SNX25: variants seen among roughly 807,000 people sequenced by gnomAD.
SNX25 encodes the protein sorting nexin-25.
In SNX25, 62 loss-of-function variants were observed where a neutral mutation model predicts 113.7. That is an observed-to-expected ratio of 0.55 (90% CI 0.44 to 0.67). The LOEUF is 0.67. Among genes scored for constraint, SNX25 ranks in the 30% least tolerant of loss-of-function variants. SNX25 has a pLI of 0.00. For missense variants in SNX25, 1,014 were observed against 1,161.0 expected, an observed-to-expected ratio of 0.87 and a Z score of 1.84; for synonymous variants, 421 against 436.2, an observed-to-expected ratio of 0.97 and a Z score of 0.43.
intron 9 of SNX25, among the ~76,000 whole-genome samples, chr4:185,331,139 T>A (rs2095191900): frequency 6.6e-6 from 1 of 152,214 alleles, no homozygotes; most frequent in African/African-American, 2.4e-5. Flanking sequence ...TTTGTTCCAA[T>A]AATCTCTAGA....
At chr4:185,301,395 C>T (rs967229782) in intron 6 of SNX25, among the ~76,000 whole-genome samples, 3 of 151,772 alleles carry the variant, frequency 2.0e-5, no homozygotes, top group Non-Finnish European at 2.9e-5. Flanking sequence ...TTTTTATTAC[C>T]TTTGTTTTGT....
intron 13 of SNX25, among the ~76,000 whole-genome samples, chr4:185,350,946 A>G (rs914469366): frequency 6.6e-6 from 1 of 152,234 alleles, no homozygotes; most frequent in African/African-American, 2.4e-5. Context: ...AAATGAAACT[A>G]TTGCCTGGCA....
At chr4:185,220,484 CT>C (rs33968295) in intron 1 of SNX25, among the ~76,000 whole-genome samples, 82 of 131,824 alleles carry the variant, frequency 6.2e-4, no homozygotes, top group South Asian at 4.9e-4. Context: ...AACTGAGTCC[CT>C]TTTTTTTTTT....
rs1048534398 is a variant in SNX25, at chr4:185,360,950, T to TATATATATATAGATAGATAG, written c.2652-971_2652-970insTATATATAGATAGATAGATA. The stretch of plus-strand genomic sequence containing the variant: ...AAAATAATATATATATATATATATA[T>TATATATATATAGATAGATAG]ATAGAATCTGTCTAATGACTAACGA... On this transcript the variant is annotated intron_variant, in intron 16 of 18. Transcript: ENST00000652585. Among the ~76,000 whole-genome samples, 295 of 141,738 alleles carry TATATATATATAGATAGATAG rather than the reference T, an allele frequency of 2.1e-3. 1 individual carries two copies. The highest frequency in any genetic ancestry group is 6.4e-3 in the South Asian group (29 of 4,514). The allele number at this position is 141,738 out of a possible 152,430, so 93.0% of individuals were successfully genotyped here.
chr4:185,356,415 TATC>T (rs2095339438), intron 15 of SNX25, among the ~76,000 whole-genome samples: 2 of 152,290 alleles, frequency 1.3e-5, no homozygotes, highest in South Asian at 4.1e-4. Context: ...AAAGTGAAGT[TATC>T]ATCACTGATA....
intron 1 of SNX25, among the ~76,000 whole-genome samples, chr4:185,223,909 T>C (rs1178882008): frequency 6.6e-6 from 1 of 152,236 alleles, no homozygotes. Context: ...TATTGTCTCT[T>C]GTCCCTCCTG....
At chr4:185,362,149 G>A (rs1279795374) in intron 17 of SNX25, 44 bp downstream of exon 17, 2 of 1,546,082 alleles carry the variant, frequency 1.3e-6, no homozygotes, top group African/African-American at 1.4e-5. Context: ...AGATCTGAGG[G>A]AATGTGAACC....
chr4:185,230,774 A>G (rs1741723864), intron 1 of SNX25, among the ~76,000 whole-genome samples: 3 of 152,190 alleles, frequency 2.0e-5, no homozygotes. Flanking sequence ...CACAGAAATA[A>G]TTTAGGAAAT....
chr4:185,365,870 TTTC>T (rs1416904288), downstream of SNX25: 1 of 151,992 alleles, frequency 6.6e-6, no homozygotes, highest in African/African-American at 2.4e-5. Flanking sequence ...TCTGTTGAAA[TTTC>T]TTCCCTTACA....
intron 1 of SNX25, among the ~76,000 whole-genome samples, chr4:185,228,971 C>G (rs909603817): frequency 6.6e-6 from 1 of 152,154 alleles, no homozygotes; most frequent in Non-Finnish European, 1.5e-5. Context: ...ACAGGAGAGC[C>G]AGCCCTCTTG....
chr4:185,288,105 C>T (rs770395941), intron 6 of SNX25, 23 bp downstream of exon 6: 18 of 1,601,380 alleles, frequency 1.1e-5, no homozygotes, highest in Middle Eastern at 3.3e-4. Context: ...TTGTTTTCTT[C>T]AGTTCCACAT....
At chr4:185,303,542 C>CCAG (rs1425901179) in intron 6 of SNX25, among the ~76,000 whole-genome samples, 6 of 151,864 alleles carry the variant, frequency 4.0e-5, no homozygotes, top group African/African-American at 1.5e-4. Flanking sequence ...ACCTGTAGTC[C>CCAG]CAGCTACTTG....
intron 5 of SNX25, among the ~76,000 whole-genome samples, chr4:185,282,002 C>T (rs1332720018): frequency 3.9e-5 from 6 of 151,924 alleles, no homozygotes; most frequent in Admixed American, 1.3e-4. Flanking sequence ...GGCAACAGAG[C>T]GAGACTCCAT....
intron 12 of SNX25, among the ~76,000 whole-genome samples, chr4:185,343,142 C>T (rs1050296181): frequency 5.3e-5 from 8 of 152,176 alleles, no homozygotes; most frequent in Non-Finnish European, 1.0e-4. Flanking sequence ...CCACCCACCT[C>T]GGCCTTACAA....
At chr4:185,375,744 A>G in the SNX25 span, 2 of 1,499,462 alleles carry the variant, frequency 1.3e-6, no homozygotes, top group Non-Finnish European at 1.8e-6. Context: ...CACCCAGAAG[A>G]TATTTAATTA....
chr4:185,287,853 T>C (rs1217631391), intron 5 of SNX25, among the ~76,000 whole-genome samples, 159 bp from the exon 6 acceptor site: 2 of 152,214 alleles, frequency 1.3e-5, no homozygotes, highest in African/African-American at 2.4e-5. Flanking sequence ...CCCGGCCTAT[T>C]GTAGATGCTC....
At chr4:185,307,262 AC>A (rs1754590562) in intron 6 of SNX25, among the ~76,000 whole-genome samples, 1 of 152,166 alleles carries the variant, frequency 6.6e-6, no homozygotes, top group South Asian at 2.1e-4. Context: ...GGATGTGCAA[AC>A]CATTACTTAG....
In SNX25 at chr4:185,258,664, G is replaced by C. The variant is rs546852489; in HGVS notation, c.515-184G>C. On this transcript the variant is annotated intron_variant, in intron 2 of 18. Coordinates refer to ENST00000652585, the MANE Select transcript of SNX25 (RefSeq NM_001378034.2). ...TAGGACATGGTCACCATACCTAAAC[G>C]TTCTAGTTAGATGAGAATCTTTCGT... 2.0e-5 allele frequency among the ~76,000 whole-genome samples: 3 copies of C among 152,278 alleles called. No individual in the cohort carries two copies. In the South Asian group the frequency reaches 6.2e-4, roughly 32 times the overall value.
At chr4:185,337,436 G>T (rs2095237230) in intron 10 of SNX25, among the ~76,000 whole-genome samples, 1 of 152,086 alleles carries the variant, frequency 6.6e-6, no homozygotes, top group Non-Finnish European at 1.5e-5. Flanking sequence ...TGCTTTTTAA[G>T]GCTGATCATA....
Sources: allele counts gnomAD v4.1 joint callset (sites outside exome capture counted in the v4.1 genomes callset), GRCh38; gene constraint gnomAD v4.1.1; transcripts MANE v1.5; gene names NCBI Gene and HGNC (gene_info 2026-07-23, HGNC 2026-07-21).